The following RASSF6 variants were observed in gnomAD, a reference collection of about 807,000 sequenced individuals.
RASSF6 encodes ras association domain-containing protein 6.
Under a neutral mutation model 44.0 loss-of-function variants are expected in RASSF6, and 52 were observed. That is an observed-to-expected ratio of 1.18 (90% CI 0.95 to 1.49). RASSF6 has a LOEUF of 1.49. Among genes scored for constraint, RASSF6 ranks in the 40% most tolerant of loss-of-function variants. RASSF6 has a pLI of 0.00. For missense variants in RASSF6, 464 were observed against 393.3 expected (o/e 1.18, Z -1.52); for synonymous variants, 162 against 124.6 (o/e 1.30, Z -2.00).
chr4:73,591,999 C>T (rs1560448633), intron 4 of RASSF6, among the ~76,000 whole-genome samples: 1 of 151,880 alleles, frequency 6.6e-6, no homozygotes, highest in South Asian at 2.1e-4. Context: ...CAGTGAGCCT[C>T]GTATAGACTG....
chr4:73,590,282 A>G (rs1724441332), intron 4 of RASSF6, among the ~76,000 whole-genome samples: 2 of 152,160 alleles, frequency 1.3e-5, no homozygotes, highest in Non-Finnish European at 2.9e-5. Context: ...ATGTGACAAG[A>G]CCAATGATTC....
At chr4:73,581,782 A>C in intron 8 of RASSF6, 35 bp downstream of exon 8, 1 of 1,471,238 alleles carries the variant, frequency 6.8e-7, no homozygotes. Flanking sequence ...GTAGCACTCT[A>C]GAGTCAGGTA....
intron 1 of RASSF6, among the ~76,000 whole-genome samples, chr4:73,615,601 G>A (rs1197316165): frequency 6.6e-6 from 1 of 152,218 alleles, no homozygotes; most frequent in Non-Finnish European, 1.5e-5. Flanking sequence ...CTTAGATTGT[G>A]TGTAAAATAA....
chr4:73,582,338 G>T, intron 6 of RASSF6, 48 bp from the exon 7 acceptor site: 2 of 944,216 alleles, frequency 2.1e-6, no homozygotes, highest in Admixed American at 5.0e-5. Flanking sequence ...ATTATATTAA[G>T]GGTATTCAAT....
At chr4:73,576,333 C>A in intron 10 of RASSF6, 23 bp from the exon 11 acceptor site, 1 of 1,510,706 alleles carries the variant, frequency 6.6e-7, no homozygotes, top group Non-Finnish European at 9.1e-7. Flanking sequence ...AGAAGAAAGA[C>A]TATTAAAAAT....
chr4:73,606,262 C>G (rs1725622037), intron 2 of RASSF6, among the ~76,000 whole-genome samples: 1 of 152,148 alleles, frequency 6.6e-6, no homozygotes, highest in Non-Finnish European at 1.5e-5. Flanking sequence ...ATGTCCTTTG[C>G]AGCAATATGG....
chr4:73,611,637 T>C, intron 2 of RASSF6, 94 bp downstream of exon 2: 1 of 700,974 alleles, frequency 1.4e-6, no homozygotes, highest in Admixed American at 2.1e-5. Context: ...ATTATTGATC[T>C]TGTTGACCAT....
In RASSF6 at chr4:73,571,798, A is replaced by G. The variant is rs1227038534; in HGVS notation, c.*4437T>C. The G allele has an allele frequency of 6.6e-6, 1 of 152,066 alleles. No individual in the cohort carries two copies. The highest frequency in any genetic ancestry group is 1.5e-5 in the Non-Finnish European group (1 of 68,002). The allele number at this position is 152,066 out of a possible 1,614,324, so 9.4% of individuals were successfully genotyped here. On this transcript the variant is annotated 3_prime_UTR_variant, in exon 11 of 11. Transcript: ENST00000307439. ...TTTACCATTAATAATAATATATATT[A>G]TCTAAAATTTAATTTGAGCTAATAT... is the stretch of plus-strand genomic sequence containing the variant.
chr4:73,602,808 G>T (rs983462480), intron 2 of RASSF6, among the ~76,000 whole-genome samples: 2 of 152,204 alleles, frequency 1.3e-5, no homozygotes, highest in Non-Finnish European at 1.5e-5. Context: ...ACAAGTTTCG[G>T]CCAGGCGCGG....
intron 1 of RASSF6, among the ~76,000 whole-genome samples, chr4:73,616,421 G>A (rs1197700230): frequency 6.6e-6 from 1 of 151,752 alleles, no homozygotes; most frequent in African/African-American, 2.4e-5. Flanking sequence ...TTGATTACTA[G>A]GTCCTTTAGG....
chr4:73,591,534 G>C (rs1724558648), intron 4 of RASSF6, among the ~76,000 whole-genome samples: 1 of 152,174 alleles, frequency 6.6e-6, no homozygotes, highest in Admixed American at 6.5e-5. Flanking sequence ...TTTTCGGAAA[G>C]CAGAGCCCAA....
At position 73,620,335 on chromosome 4, in the gene RASSF6, C is replaced by G. The variant is rs1247591; in HGVS notation, c.-82G>C. 1,466,427 of 1,485,034 alleles carry G rather than the reference C, an allele frequency of 0.99. 724,087 individuals carry two copies. Among genetic ancestry groups the G allele is most frequent in the East Asian group, 1 (37,243 of 37,246 alleles). 92.0% of individuals were successfully genotyped at this position (1,485,034 alleles called of 1,614,324 possible). ...GAGGACCCTTTTCACCATCGTTGTTCGGCTGAACTTGCTTCGCGGTTTGTT... is the reference window on the plus strand; with the variant it reads ...GAGGACCCTTTTCACCATCGTTGTTGGGCTGAACTTGCTTCGCGGTTTGTT... On this transcript the variant is annotated 5_prime_UTR_variant, in exon 1 of 11. Coordinates refer to ENST00000307439, the MANE Select transcript of RASSF6 (RefSeq NM_177532.5).
chr4:73,575,891 T>C lies in RASSF6; in HGVS notation c.*344A>G, dbSNP rs1000563346. 13 of 167,878 alleles carry C rather than the reference T, an allele frequency of 7.7e-5. No individual in the cohort carries two copies. The highest frequency in any genetic ancestry group is 3.1e-4 in the African/African-American group (13 of 42,152). 10.4% of individuals were successfully genotyped at this position (167,878 alleles called of 1,614,324 possible). ...GTCATTTCTGAATCCATTGATTATG[T>C]TTCAGTTCTCTTGAGAGTCCAAGCT... On this transcript the variant is annotated 3_prime_UTR_variant, in exon 11 of 11. Transcript: ENST00000307439.
chr4:73,618,532 T>C (rs1246022847), intron 1 of RASSF6, among the ~76,000 whole-genome samples: 1 of 152,188 alleles, frequency 6.6e-6, no homozygotes, highest in Non-Finnish European at 1.5e-5. Context: ...ATTTCCTCTT[T>C]GAAAAATCTT....
intron 1 of RASSF6, among the ~76,000 whole-genome samples, chr4:73,619,005 G>C (rs949382180): frequency 6.6e-6 from 1 of 152,074 alleles, no homozygotes; most frequent in African/African-American, 2.4e-5. Flanking sequence ...CAAAATACAA[G>C]TATTATTCCT....
Position 73,575,164 on chromosome 4 carries a change from A to C in RASSF6, c.*1071T>G, listed in dbSNP as rs1218536885. 6.6e-6 allele frequency: 1 copy of C among 152,228 alleles called. No homozygotes were observed. Among genetic ancestry groups the C allele is most frequent in the Non-Finnish European group, 1.5e-5 (1 of 68,038 alleles). 9.4% of individuals were successfully genotyped at this position (152,228 alleles called of 1,614,324 possible). A position where few individuals can be genotyped will look rare whatever the true frequency, so the allele number is the denominator to read the frequency against. ...ATTCCTTAGTACATGTAATATGATC[A>C]ATTTACTACAATGCTTATGAGGAAT... On this transcript the variant is annotated 3_prime_UTR_variant, in exon 11 of 11. Transcript: ENST00000307439.
At chr4:73,597,452 T>C (rs1578045638) in intron 3 of RASSF6, among the ~76,000 whole-genome samples, 2 of 152,280 alleles carry the variant, frequency 1.3e-5, no homozygotes, top group South Asian at 2.1e-4. Flanking sequence ...AGAATGTCTA[T>C]TATTAAAAAG....
At chr4:73,580,507 T>C (rs1211049016) in intron 8 of RASSF6, among the ~76,000 whole-genome samples, 2 of 151,516 alleles carry the variant, frequency 1.3e-5, no homozygotes, top group Admixed American at 6.6e-5. Context: ...AAAGTGTTCC[T>C]ATTTCTCCAC....
Position 73,572,891 on chromosome 4 carries a change from T to G in RASSF6, c.*3344A>C, listed in dbSNP as rs1472316518. 1 of 152,160 alleles carries G rather than the reference T, an allele frequency of 6.6e-6. No individual in the cohort carries two copies. The highest frequency in any genetic ancestry group is 1.9e-4 in the East Asian group (1 of 5,202). The allele number at this position is 152,160 out of a possible 1,614,324, so 9.4% of individuals were successfully genotyped here. ...TGCAGATATAGCCATTTTTAACATG[T>G]TTTTATTTCTTGTGTGTATATATAT... is the stretch of plus-strand genomic sequence containing the variant. On this transcript the variant is annotated 3_prime_UTR_variant, in exon 11 of 11. Transcript: ENST00000307439.
Sources: gnomAD v4.1 joint callset for allele counts (sites outside exome capture counted in the v4.1 genomes callset) on GRCh38, gnomAD v4.1.1 for gene constraint, MANE v1.5 for transcripts, NCBI Gene and HGNC (gene_info 2026-07-23, HGNC 2026-07-21) for gene names.